The following ZDHHC12 variants were observed in gnomAD, a reference collection of about 807,000 sequenced individuals.
ZDHHC12 encodes zDHHC palmitoyltransferase 12.
A neutral mutation model predicts 33.2 loss-of-function variants in ZDHHC12; 26 were observed. The observed-to-expected ratio is 0.78, with a 90% CI of 0.57 to 1.09. The LOEUF is 1.09. ZDHHC12 is among the 50% of genes least tolerant of loss of function. The pLI is 0.00. For missense variants in ZDHHC12, 350 were observed against 353.0 expected (o/e 0.99, Z 0.07); for synonymous variants, 154 against 152.1 (o/e 1.01, Z -0.09).
rs2132346415 is a variant in ZDHHC12 at position 128,721,196 on chromosome 9, G to A, written c.789C>T (p.Ser263=). The change falls in exon 5 of 5, where the codon AGC becomes AGT. Residue 263 remains serine (S), a synonymous_variant. Coordinates refer to ENST00000372663, the MANE Select transcript of ZDHHC12 (RefSeq NM_032799.5). The surrounding 1 kb of genome is among the most constrained non-coding windows in gnomAD (Gnocchi z 6.9). ...TLWAEEEEEG[S]SPAV is the part of the protein sequence containing the mutation. ...TCCAGCAACCCTAAACAGCTGGGCT[G>A]CTGCCCTCTTCCTCCTCCTCAGCCC... is the stretch of plus-strand genomic sequence containing the variant. 1.3e-6 allele frequency: 2 copies of A among 1,585,938 alleles called. No individual in the cohort carries two copies. Among genetic ancestry groups the A allele is most frequent in the Non-Finnish European group, 8.6e-7 (1 of 1,168,678 alleles).
In ZDHHC12 at chr9:128,722,494, A is replaced by G. The variant is rs1026823357; in HGVS notation, c.181T>C (p.Tyr61His). ...LLLVLGSLLL[Y>H]LAVSLMDPGY... is the part of the protein sequence containing the mutation. ...GGGTCCATGAGTGACACAGCGAGGTAGAGCAGCAGGGAGCCCAGCACCAGG... is the reference window on the plus strand; with the variant it reads ...GGGTCCATGAGTGACACAGCGAGGTGGAGCAGCAGGGAGCCCAGCACCAGG... Residue 61 changes from tyrosine (Y) to histidine (H), a missense_variant, in exon 2 of 5, where the codon TAC (tyrosine) becomes CAC (histidine). By Grantham distance (83) the Tyr-to-His change is moderately conservative (BLOSUM62 2). Coordinates refer to ENST00000372663, the MANE Select transcript of ZDHHC12 (RefSeq NM_032799.5). This position sits in a 1 kb window ranked among gnomAD's most constrained non-coding sequence, Gnocchi z 4.2. 2.5e-6 allele frequency: 4 copies of G among 1,574,746 alleles called. No individual in the cohort carries two copies. The highest frequency in any genetic ancestry group is 2.6e-6 in the Non-Finnish European group (3 of 1,159,870).
In ZDHHC12 at chr9:128,723,598, G is replaced by A. The variant is rs1484249200; in HGVS notation, c.100+396C>T. 5.8e-6 allele frequency: 2 copies of A among 342,364 alleles called. No individual in the cohort carries two copies. The highest frequency in any genetic ancestry group is 5.4e-6 in the Non-Finnish European group (1 of 186,866). 21.2% of individuals were successfully genotyped at this position (342,364 alleles called of 1,614,324 possible). The stretch of plus-strand genomic sequence containing the variant: ...TGGGGGTGTGGGGGGTGTGGGTGTG[G>A]GCAGAATGCCAATCTTTGCATCTAG... On this transcript the variant is annotated intron_variant, in intron 1 of 4. Transcript: ENST00000372663. The surrounding 1 kb of genome is among the most constrained non-coding windows in gnomAD (Gnocchi z 4.4).
rs577708078 is a variant in ZDHHC12, at chr9:128,722,610, G to T, written c.101-36C>A. 3.2e-6 allele frequency: 5 copies of T among 1,580,446 alleles called. No homozygotes were observed. The African/African-American group carries it at 5.4e-5, about 17-fold the overall frequency. ...CGGAGAGCACAGTGAGGCTGGGCCG[G>T]GTAGAACAGGAGTGGGTGGGGTTGG... On this transcript the variant is annotated intron_variant, in intron 1 of 4. Coordinates refer to ENST00000372663, the MANE Select transcript of ZDHHC12 (RefSeq NM_032799.5). The surrounding 1 kb of genome is among the most constrained non-coding windows in gnomAD (Gnocchi z 4.2).
Position 128,722,909 on chromosome 9 carries a change from G to A in ZDHHC12, c.101-335C>T. The stretch of plus-strand genomic sequence containing the variant: ...GAAGTGAGGGAGGAAGGAATGGACA[G>A]GGGGCTGCTGGGTCAAGGGAGCCAG... On this transcript the variant is annotated intron_variant, in intron 1 of 4. Transcript: ENST00000372663. The surrounding 1 kb of genome is among the most constrained non-coding windows in gnomAD (Gnocchi z 4.2). The A allele has an allele frequency of 4.6e-6, 2 of 435,680 alleles. No homozygotes were observed. The highest frequency in any genetic ancestry group is 7.4e-6 in the Non-Finnish European group (2 of 271,886). The allele number at this position is 435,680 out of a possible 1,614,324, so 27.0% of individuals were successfully genotyped here.
At position 128,722,653 on chromosome 9, in the gene ZDHHC12, G is replaced by T. The variant is rs1386872108; in HGVS notation, c.101-79C>A. The T allele has an allele frequency of 6.5e-7, 1 of 1,540,594 alleles. No homozygotes were observed. The highest frequency in any genetic ancestry group is 2.0e-5 in the Admixed American group (1 of 49,896). ...GGGGTTGGGGTGCAGTTGGAGGTGG[G>T]GAAGTGTGTTCCTGGCTGAGCAAAG... is the stretch of plus-strand genomic sequence containing the variant. On this transcript the variant is annotated intron_variant, in intron 1 of 4. Coordinates refer to ENST00000372663, the MANE Select transcript of ZDHHC12 (RefSeq NM_032799.5). This position sits in a 1 kb window ranked among gnomAD's most constrained non-coding sequence, Gnocchi z 4.2.
At position 128,721,514 on chromosome 9, in the gene ZDHHC12, G is replaced by GAA. The variant is rs774080737; in HGVS notation, c.483-13_483-12insTT. On this transcript the variant is annotated splice_polypyrimidine_tract_variant and intron_variant, in intron 4 of 4. Coordinates refer to ENST00000372663, the MANE Select transcript of ZDHHC12 (RefSeq NM_032799.5). This position sits in a 1 kb window ranked among gnomAD's most constrained non-coding sequence, Gnocchi z 6.9. ...ACCGGAGGCCTGACCTGCGGTGCAG[G>GAA]GGACAGGGGCCTGGTGCTGGGGGAG... The GAA allele has an allele frequency of 1.9e-6, 3 of 1,598,950 alleles. No individual in the cohort carries two copies. The highest frequency in any genetic ancestry group is 8.5e-7 in the Non-Finnish European group (1 of 1,172,318).
chr9:128,722,658 T>C lies in ZDHHC12; in HGVS notation c.101-84A>G, dbSNP rs746594752. On this transcript the variant is annotated intron_variant, in intron 1 of 4. Coordinates refer to ENST00000372663, the MANE Select transcript of ZDHHC12 (RefSeq NM_032799.5). This position sits in a 1 kb window ranked among gnomAD's most constrained non-coding sequence, Gnocchi z 4.2. ...TGGGGTGCAGTTGGAGGTGGGGAAG[T>C]GTGTTCCTGGCTGAGCAAAGGCCTG... The C allele has an allele frequency of 6.5e-7, 1 of 1,535,970 alleles. No homozygotes were observed. Among genetic ancestry groups the C allele is most frequent in the African/African-American group, 1.4e-5 (1 of 72,724 alleles).
At position 128,723,826 on chromosome 9, in the gene ZDHHC12, G is replaced by A. The variant is rs1409161878; in HGVS notation, c.100+168C>T. The A allele has an allele frequency of 5.1e-6, 5 of 986,678 alleles. No individual in the cohort carries two copies. The East Asian group carries it at 1.4e-4, about 27-fold the overall frequency. 61.1% of individuals were successfully genotyped at this position (986,678 alleles called of 1,614,324 possible). On this transcript the variant is annotated intron_variant, in intron 1 of 4. Coordinates refer to ENST00000372663, the MANE Select transcript of ZDHHC12 (RefSeq NM_032799.5). This position sits in a 1 kb window ranked among gnomAD's most constrained non-coding sequence, Gnocchi z 4.4. ...AGGGATCAACGGGGTATCAGACAGA[G>A]AGCAGGTGGCTCTTGGAATGATAGA...
At position 128,722,576 on chromosome 9, in the gene ZDHHC12, T is replaced by C; in HGVS notation, c.101-2A>G. ...CCTGCTCCTCCCATTGCCGCAGCTC[T>C]GGAGAGGCCGGAGAGCACAGTGAGG... On this transcript the variant is annotated splice_acceptor_variant, in intron 1 of 4. Transcript: ENST00000372663. LOFTEE classifies it high-confidence loss of function. The surrounding 1 kb of genome is among the most constrained non-coding windows in gnomAD (Gnocchi z 4.2). 1 of 1,592,896 alleles carries C rather than the reference T, an allele frequency of 6.3e-7. No individual in the cohort carries two copies. The highest frequency in any genetic ancestry group is 8.5e-7 in the Non-Finnish European group (1 of 1,169,644).
chr9:128,723,869 G>T lies in ZDHHC12; in HGVS notation c.100+125C>A. The T allele has an allele frequency of 7.1e-7, 1 of 1,415,996 alleles. No individual in the cohort carries two copies. 87.7% of individuals were successfully genotyped at this position (1,415,996 alleles called of 1,614,324 possible). ...ATGATAGATGGGGAGAGGGCTTCAG[G>T]AGCTGGTGGAGATCGGGCCAATCCC... On this transcript the variant is annotated intron_variant, in intron 1 of 4. Coordinates refer to ENST00000372663, the MANE Select transcript of ZDHHC12 (RefSeq NM_032799.5). This position sits in a 1 kb window ranked among gnomAD's most constrained non-coding sequence, Gnocchi z 4.4.
rs760226648 is a variant in ZDHHC12, at chr9:128,724,121, GA to G, written c.-29del. ...CCTCGGCCCGGGGCCCCACCCGGAA[GA>G]AGCGCCCAGAGGGGCGGGCCCTCCG... On this transcript the variant is annotated 5_prime_UTR_variant, in exon 1 of 5. Transcript: ENST00000372663. The G allele has an allele frequency of 4.0e-5, 61 of 1,511,552 alleles. 1 individual carries two copies. Among genetic ancestry groups the G allele is most frequent in the Non-Finnish European group, 1.8e-6 (2 of 1,125,414 alleles). 93.6% of individuals were successfully genotyped at this position (1,511,552 alleles called of 1,614,324 possible).
chr9:128,721,179 C>A lies in ZDHHC12; in HGVS notation c.*2G>T. Reference sequence around the variant, plus strand: ...AAGACGGTAGCCCGGCCTCCAGCAACCCTAAACAGCTGGGCTGCTGCCCTC... The same window carrying A: ...AAGACGGTAGCCCGGCCTCCAGCAAACCTAAACAGCTGGGCTGCTGCCCTC... On this transcript the variant is annotated 3_prime_UTR_variant, in exon 5 of 5. Coordinates refer to ENST00000372663, the MANE Select transcript of ZDHHC12 (RefSeq NM_032799.5). This position sits in a 1 kb window ranked among gnomAD's most constrained non-coding sequence, Gnocchi z 6.9. 5 of 1,566,590 alleles carry A rather than the reference C, an allele frequency of 3.2e-6. No individual in the cohort carries two copies. Among genetic ancestry groups the A allele is most frequent in the Non-Finnish European group, 4.3e-6 (5 of 1,160,322 alleles).
Position 128,721,129 on chromosome 9 carries a change from G to T in ZDHHC12, c.*52C>A. ...CCTCTGAGCGCTCACCCCAGCTGGG[G>T]ACAGGCCCCGTGGTTTTCAGGCACA... On this transcript the variant is annotated 3_prime_UTR_variant, in exon 5 of 5. Transcript: ENST00000372663. The surrounding 1 kb of genome is among the most constrained non-coding windows in gnomAD (Gnocchi z 6.9). 2 of 1,476,546 alleles carry T rather than the reference G, an allele frequency of 1.4e-6. No individual in the cohort carries two copies. The highest frequency in any genetic ancestry group is 1.8e-6 in the Non-Finnish European group (2 of 1,116,452). 91.5% of individuals were successfully genotyped at this position (1,476,546 alleles called of 1,614,324 possible). A position where few individuals can be genotyped will look rare whatever the true frequency, so the allele number is the denominator to read the frequency against.
At position 128,721,938 on chromosome 9, in the gene ZDHHC12, T is replaced by TG; in HGVS notation, c.315+70dup. 2 of 1,608,652 alleles carry TG rather than the reference T, an allele frequency of 1.2e-6. No homozygotes were observed. Among genetic ancestry groups the TG allele is most frequent in the Non-Finnish European group, 1.7e-6 (2 of 1,176,256 alleles). ...TGGAGGAGGGGCGAGGCCCAGGCAG[T>TG]GGGGCAGGAGGAGGTCGAGGAGTCT... On this transcript the variant is annotated intron_variant, in intron 3 of 4. Coordinates refer to ENST00000372663, the MANE Select transcript of ZDHHC12 (RefSeq NM_032799.5). This position sits in a 1 kb window ranked among gnomAD's most constrained non-coding sequence, Gnocchi z 6.9.
chr9:128,721,133 G>C lies in ZDHHC12; in HGVS notation c.*48C>G. 6.7e-7 allele frequency: 1 copy of C among 1,484,528 alleles called. No individual in the cohort carries two copies. Among genetic ancestry groups the C allele is most frequent in the Non-Finnish European group, 8.9e-7 (1 of 1,120,802 alleles). 92.0% of individuals were successfully genotyped at this position (1,484,528 alleles called of 1,614,324 possible). A position where few individuals can be genotyped will look rare whatever the true frequency, so the allele number is the denominator to read the frequency against. ...TGAGCGCTCACCCCAGCTGGGGACA[G>C]GCCCCGTGGTTTTCAGGCACAAGAC... On this transcript the variant is annotated 3_prime_UTR_variant, in exon 5 of 5. Transcript: ENST00000372663. The surrounding 1 kb of genome is among the most constrained non-coding windows in gnomAD (Gnocchi z 6.9).
At position 128,722,046 on chromosome 9, in the gene ZDHHC12, G is replaced by C; in HGVS notation, c.278C>G (p.Ala93Gly). Residue 93 changes from alanine (A) to glycine (G), a missense_variant, in exon 3 of 5, where the codon GCC (alanine) becomes GGC (glycine). Physicochemically the swap from Ala to Gly is moderately conservative, Grantham distance 60. Coordinates refer to ENST00000372663, the MANE Select transcript of ZDHHC12 (RefSeq NM_032799.5). The surrounding 1 kb of genome is among the most constrained non-coding windows in gnomAD (Gnocchi z 4.2). ...KEEQTAMVPPAIPLRRCRYCL... is the reference protein window; with the variant it reads ...KEEQTAMVPPGIPLRRCRYCL... Reference sequence around the variant, plus strand: ...GTATCTGCAGCGCCGAAGAGGGATGGCTGGAGGAACCATGGCTGTCTGCTC... The same window carrying C: ...GTATCTGCAGCGCCGAAGAGGGATGCCTGGAGGAACCATGGCTGTCTGCTC... 1 of 1,614,060 alleles carries C rather than the reference G, an allele frequency of 6.2e-7. No homozygotes were observed. The highest frequency in any genetic ancestry group is 8.5e-7 in the Non-Finnish European group (1 of 1,179,996).
At position 128,721,858 on chromosome 9, in the gene ZDHHC12, G is replaced by A; in HGVS notation, c.316-41C>T. ...AGAGTGGAGGCTCAGTGCCAGCCCTGCTGTGGGCCCACCACTGAGGGAAGG... is the reference window on the plus strand; with the variant it reads ...AGAGTGGAGGCTCAGTGCCAGCCCTACTGTGGGCCCACCACTGAGGGAAGG... On this transcript the variant is annotated intron_variant, in intron 3 of 4. Coordinates refer to ENST00000372663, the MANE Select transcript of ZDHHC12 (RefSeq NM_032799.5). The surrounding 1 kb of genome is among the most constrained non-coding windows in gnomAD (Gnocchi z 6.9). The A allele has an allele frequency of 6.2e-7, 1 of 1,605,214 alleles. No individual in the cohort carries two copies. The highest frequency in any genetic ancestry group is 1.1e-5 in the South Asian group (1 of 90,246).
Position 128,722,881 on chromosome 9 carries a change from C to T in ZDHHC12, c.101-307G>A. 1.4e-6 allele frequency: 1 copy of T among 704,574 alleles called. No individual in the cohort carries two copies. The highest frequency in any genetic ancestry group is 2.0e-6 in the Non-Finnish European group (1 of 499,660). 43.6% of individuals were successfully genotyped at this position (704,574 alleles called of 1,614,324 possible). A position where few individuals can be genotyped will look rare whatever the true frequency, so the allele number is the denominator to read the frequency against. On this transcript the variant is annotated intron_variant, in intron 1 of 4. Coordinates refer to ENST00000372663, the MANE Select transcript of ZDHHC12 (RefSeq NM_032799.5). The surrounding 1 kb of genome is among the most constrained non-coding windows in gnomAD (Gnocchi z 4.2). ...GAAGAGAGTCGCTACAAAGGCCTGG[C>T]AGGAAGTGAGGGAGGAAGGAATGGA... is the stretch of plus-strand genomic sequence containing the variant.
At position 128,723,570 on chromosome 9, in the gene ZDHHC12, C is replaced by T; in HGVS notation, c.100+424G>A. The stretch of plus-strand genomic sequence containing the variant: ...TTGCCTGGACTTGGGCAGCTAGTGG[C>T]CATGGGGGTGTGGGGGGTGTGGGTG... On this transcript the variant is annotated intron_variant, in intron 1 of 4. Transcript: ENST00000372663. This position sits in a 1 kb window ranked among gnomAD's most constrained non-coding sequence, Gnocchi z 4.4. 3 of 279,078 alleles carry T rather than the reference C, an allele frequency of 1.1e-5. No individual in the cohort carries two copies. Among genetic ancestry groups the T allele is most frequent in the Non-Finnish European group, 2.0e-5 (3 of 148,000 alleles). The allele number at this position is 279,078 out of a possible 1,614,324, so 17.3% of individuals were successfully genotyped here.
Sources: allele counts gnomAD v4.1 joint callset, GRCh38; gene constraint gnomAD v4.1.1; non-coding constraint Gnocchi (gnomAD v3.1); transcripts MANE v1.5; gene names NCBI Gene and HGNC (gene_info 2026-07-23, HGNC 2026-07-21).